GRIK4: variants seen among roughly 807,000 people sequenced by gnomAD.
The protein encoded by GRIK4 is glutamate receptor ionotropic, kainate 4.
In GRIK4, 40 loss-of-function variants were observed where a neutral mutation model predicts 104.9. The observed-to-expected ratio is 0.38, with a 90% CI of 0.30 to 0.50. The LOEUF (loss-of-function observed/expected upper bound fraction) is 0.50, where lower values mean the gene tolerates loss of function less well. GRIK4 is among the 20% of genes least tolerant of loss of function. GRIK4 has a pLI of 0.93. For synonymous variants in GRIK4, 485 were observed against 524.9 expected, an observed-to-expected ratio of 0.92 and a Z score of 1.04; for missense variants, 1,047 against 1,308.1, an observed-to-expected ratio of 0.80 and a Z score of 3.08.
At chr11:120,678,205 G>A (rs1950132157) in intron 3 of GRIK4, among the ~76,000 whole-genome samples, 1 of 152,212 alleles carries the variant, frequency 6.6e-6, no homozygotes, top group Admixed American at 6.5e-5. Context: ...TTTCTTTAGG[G>A]CAGACCCCAC....
intron 8 of GRIK4, among the ~76,000 whole-genome samples, chr11:120,850,845 G>A (rs1347550280): frequency 7.8e-6 from 1 of 127,708 alleles, no homozygotes; most frequent in African/African-American, 2.8e-5. Flanking sequence ...TACATTATAA[G>A]TGCTATTGTA....
intron 8 of GRIK4, among the ~76,000 whole-genome samples, chr11:120,841,731 G>A (rs946954357): frequency 9.2e-5 from 14 of 152,282 alleles, no homozygotes; most frequent in South Asian, 2.1e-4. Flanking sequence ...GTTCCTGTCA[G>A]CAATGTACAA....
chr11:120,927,103 G>T (rs1943363819), intron 13 of GRIK4, among the ~76,000 whole-genome samples: 1 of 152,190 alleles, frequency 6.6e-6, no homozygotes, highest in Admixed American at 6.5e-5. Flanking sequence ...AAATCAGGAT[G>T]GGGGTTAGCA....
chr11:120,822,959 G>A (rs1038961822), intron 6 of GRIK4, among the ~76,000 whole-genome samples: 12 of 152,198 alleles, frequency 7.9e-5, no homozygotes, highest in African/African-American at 2.9e-4. Flanking sequence ...GGGAAGCTCT[G>A]CATTCCACTG....
chr11:120,942,940 T>C (rs1263984105), intron 14 of GRIK4, among the ~76,000 whole-genome samples: 2 of 152,122 alleles, frequency 1.3e-5, no homozygotes, highest in Admixed American at 1.3e-4. Context: ...GAGCAAAACC[T>C]GAGGTTTCGT....
At chr11:120,753,113 G>A (rs1951586307) in intron 3 of GRIK4, among the ~76,000 whole-genome samples, 2 of 152,226 alleles carry the variant, frequency 1.3e-5, no homozygotes, top group South Asian at 2.1e-4. Flanking sequence ...AGCTGAGCAC[G>A]GATGGGTGGT....
chr11:120,699,885 G>A (rs374577593), intron 3 of GRIK4, among the ~76,000 whole-genome samples: 2 of 152,338 alleles, frequency 1.3e-5, no homozygotes, highest in Admixed American at 6.5e-5. Context: ...AGCAAGGGCC[G>A]CAGCAGCAGG....
chr11:120,936,209 A>G, intron 13 of GRIK4: 1 of 370,952 alleles, frequency 2.7e-6, no homozygotes, highest in Non-Finnish European at 5.2e-6. Context: ...TTTTTCCTCC[A>G]GCTTCACAGC....
At chr11:120,928,913 A>G (rs1010769569) in intron 13 of GRIK4, among the ~76,000 whole-genome samples, 2 of 152,184 alleles carry the variant, frequency 1.3e-5, no homozygotes, top group African/African-American at 2.4e-5. Context: ...TGGCCCAGTG[A>G]GCAGGGATGA....
At chr11:120,923,404 A>ATTTTTTTTT (rs775194642) in intron 13 of GRIK4, among the ~76,000 whole-genome samples, 1 of 81,646 alleles carries the variant, frequency 1.2e-5, no homozygotes, top group East Asian at 3.8e-4. Flanking sequence ...CCATTTGCTC[A>ATTTTTTTTT]TTTTTTTTTT....
intron 12 of GRIK4, among the ~76,000 whole-genome samples, chr11:120,898,870 A>T (rs1592057022): frequency 6.6e-6 from 1 of 152,150 alleles, no homozygotes; most frequent in East Asian, 1.9e-4. Flanking sequence ...CAGTTTGTGG[A>T]TGCCTCTTGG....
chr11:120,727,543 TAAGA>T (rs1172937729), intron 3 of GRIK4, among the ~76,000 whole-genome samples: 1 of 151,942 alleles, frequency 6.6e-6, no homozygotes, highest in Non-Finnish European at 1.5e-5. Flanking sequence ...AAAGTTACTG[TAAGA>T]AAGAGAGAAT....
intron 19 of GRIK4, among the ~76,000 whole-genome samples, chr11:120,973,524 G>A (rs1944510003): frequency 6.6e-6 from 1 of 152,224 alleles, no homozygotes; most frequent in African/African-American, 2.4e-5. Context: ...GTCATCCTTT[G>A]GAACAAGAGG....
chr11:120,701,406 T>C (rs1950549176), intron 3 of GRIK4, among the ~76,000 whole-genome samples: 1 of 152,216 alleles, frequency 6.6e-6, no homozygotes. Flanking sequence ...CTTATTTCAC[T>C]TGGCATAATT....
At chr11:120,713,344 T>C (rs998134183) in intron 3 of GRIK4, among the ~76,000 whole-genome samples, 3 of 152,180 alleles carry the variant, frequency 2.0e-5, no homozygotes, top group African/African-American at 7.2e-5. Flanking sequence ...CTGCAGATTT[T>C]ATCAGCATGC....
intron 3 of GRIK4, among the ~76,000 whole-genome samples, chr11:120,791,707 A>G (rs574619563): frequency 1.3e-5 from 2 of 152,194 alleles, no homozygotes; most frequent in South Asian, 4.1e-4. Flanking sequence ...TAGTAGTTTT[A>G]TAGTTTTAGG....
rs1293288160 is a variant in GRIK4, at chr11:120,524,754, G to C, written c.-159+12867G>C. ...TGGGGTGCTCCTTCAGACATACCCAGTGTGAGCTAGGGGCTGCCTGCATCC... is the reference window on the plus strand; with the variant it reads ...TGGGGTGCTCCTTCAGACATACCCACTGTGAGCTAGGGGCTGCCTGCATCC... On this transcript the variant is annotated intron_variant, in intron 1 of 20. Transcript: ENST00000527524. The surrounding 1 kb of genome is among the most constrained non-coding windows in gnomAD (Gnocchi z 4.5). Among the ~76,000 whole-genome samples, 1 of 152,230 alleles carries C rather than the reference G, an allele frequency of 6.6e-6. No homozygotes were observed. Among genetic ancestry groups the C allele is most frequent in the Non-Finnish European group, 1.5e-5 (1 of 68,042 alleles).
intron 3 of GRIK4, among the ~76,000 whole-genome samples, chr11:120,793,950 T>G (rs1048661960): frequency 6.7e-6 from 1 of 148,268 alleles, no homozygotes; most frequent in Non-Finnish European, 1.5e-5. Context: ...GGTAGATGGT[T>G]TGAGGGGAAG....
chr11:120,931,680 G>T (rs1943484060), intron 13 of GRIK4, among the ~76,000 whole-genome samples: 1 of 152,180 alleles, frequency 6.6e-6, no homozygotes, highest in Non-Finnish European at 1.5e-5. Flanking sequence ...TCTCATAGAG[G>T]TTTTGTGGAT....
Sources: gnomAD v4.1 joint callset for allele counts (sites outside exome capture counted in the v4.1 genomes callset) on GRCh38, gnomAD v4.1.1 for gene constraint, Gnocchi (gnomAD v3.1) non-coding constraint, MANE v1.5 for transcripts, NCBI Gene and HGNC (gene_info 2026-07-23, HGNC 2026-07-21) for gene names.